The following APBA2 variants were observed in gnomAD, a reference collection of about 807,000 sequenced individuals.
APBA2 encodes amyloid beta precursor protein binding family A member 2.
In APBA2, 30 loss-of-function variants were observed where a neutral mutation model predicts 75.0. The ratio of observed to expected loss-of-function variants is 0.40; its 90% CI spans 0.30 to 0.54. The LOEUF (loss-of-function observed/expected upper bound fraction) is 0.54, where lower values mean the gene tolerates loss of function less well. Ranked by LOEUF, APBA2 falls within the 20% of genes least tolerant of loss-of-function variation. The pLI is 0.49. For missense variants in APBA2, 801 were observed against 1,016.1 expected (o/e 0.79, Z 2.88); for synonymous variants, 444 against 409.6 (o/e 1.08, Z -1.01).
intron 2 of APBA2, among the ~76,000 whole-genome samples, chr15:28,955,844 T>A (rs985712423): frequency 6.6e-6 from 1 of 152,112 alleles, no homozygotes; most frequent in Non-Finnish European, 1.5e-5. Flanking sequence ...TTGCACTGGG[T>A]GTGTTGGGGC....
chr15:29,089,564 C>G (rs912698151), intron 6 of APBA2, among the ~76,000 whole-genome samples: 1 of 152,188 alleles, frequency 6.6e-6, no homozygotes, highest in African/African-American at 2.4e-5. Flanking sequence ...CCTTAGAAGC[C>G]TCTGTCCACC....
intron 6 of APBA2, among the ~76,000 whole-genome samples, chr15:29,077,283 G>T (rs1173722274): frequency 6.6e-6 from 1 of 152,178 alleles, no homozygotes; most frequent in Non-Finnish European, 1.5e-5. Flanking sequence ...GTTTATAGGA[G>T]CTGGCACCTC....
rs71777554 is a variant in APBA2 at position 29,100,135 on chromosome 15, TGAG to T, written c.1339-1453_1339-1451del. On this transcript the variant is annotated intron_variant, in intron 9 of 14. Transcript: ENST00000683413. Reference sequence around the variant, plus strand: ...CGGCCATGTTGGTAGGCAGCCTCTGTGAGGAGGAGGAGGGATCTGCCATTGATA... The same window carrying T: ...CGGCCATGTTGGTAGGCAGCCTCTGTGAGGAGGAGGGATCTGCCATTGATA... 4.0e-3 allele frequency among the ~76,000 whole-genome samples: 613 copies of T among 152,172 alleles called. 5 individuals carry two copies. The highest frequency in any genetic ancestry group is 0.014 in the African/African-American group (590 of 41,510).
chr15:28,897,700 T>C (rs2032591732), intron 1 of APBA2, among the ~76,000 whole-genome samples: 2 of 151,998 alleles, frequency 1.3e-5, no homozygotes, highest in Admixed American at 1.3e-4. Context: ...CCTCTGATTG[T>C]TGGTCAGAGT....
At chr15:28,989,712 G>T (rs1312040060) in intron 2 of APBA2, among the ~76,000 whole-genome samples, 2 of 152,156 alleles carry the variant, frequency 1.3e-5, no homozygotes, top group African/African-American at 4.8e-5. Context: ...GAACAATGAC[G>T]AGGAGGCAAG....
At chr15:28,917,689 A>AT (rs1049119796) in intron 1 of APBA2, among the ~76,000 whole-genome samples, 1 of 152,140 alleles carries the variant, frequency 6.6e-6, no homozygotes, top group African/African-American at 2.4e-5. Context: ...GTTAAAACAT[A>AT]TTGGGGTTCA....
chr15:28,935,671 C>T (rs2034822505), intron 2 of APBA2, among the ~76,000 whole-genome samples: 1 of 152,190 alleles, frequency 6.6e-6, no homozygotes, highest in Admixed American at 6.5e-5. Flanking sequence ...CAGCCTCTCT[C>T]CAGACACTAC....
Position 29,024,571 on chromosome 15 carries a change from G to A in APBA2, c.-41+28765G>A, listed in dbSNP as rs2040121623. On this transcript the variant is annotated intron_variant, in intron 3 of 14. Coordinates refer to ENST00000683413, the MANE Select transcript of APBA2 (RefSeq NM_001353788.2). ...TCCTGCATCAAATCCCATCTTCAGC[G>A]TTCGTCTGATTGCTTTCTGGGCTAG... Among the ~76,000 whole-genome samples the A allele has an allele frequency of 5.3e-5, 8 of 152,168 alleles. No homozygotes were observed. The South Asian group carries it at 1.2e-3, about 24-fold the overall frequency.
chr15:29,103,822 C>G (rs2044256681), intron 10 of APBA2, among the ~76,000 whole-genome samples: 1 of 152,168 alleles, frequency 6.6e-6, no homozygotes, highest in Non-Finnish European at 1.5e-5. Context: ...GGGCCGCCCT[C>G]CGCTCTTCCC....
intron 1 of APBA2, among the ~76,000 whole-genome samples, chr15:28,894,273 A>G (rs1320705560): frequency 6.6e-6 from 1 of 151,948 alleles, no homozygotes; most frequent in African/African-American, 2.4e-5. Flanking sequence ...CCATCTACTC[A>G]GTAGGTATTT....
chr15:29,091,907 G>A (rs1459396011), intron 6 of APBA2, among the ~76,000 whole-genome samples: 1 of 152,220 alleles, frequency 6.6e-6, no homozygotes, highest in East Asian at 1.9e-4. Flanking sequence ...AGCTGGAGCA[G>A]GAGGGGAGCC....
intron 2 of APBA2, among the ~76,000 whole-genome samples, chr15:28,960,120 G>A (rs1430810081): frequency 7.1e-6 from 1 of 141,792 alleles, no homozygotes; most frequent in Non-Finnish European, 1.5e-5. Context: ...ACTTCAGTCA[G>A]CCCAGGTGAC....
chr15:29,092,721 C>T (rs1382480370), intron 6 of APBA2, among the ~76,000 whole-genome samples: 1 of 152,136 alleles, frequency 6.6e-6, no homozygotes, highest in Non-Finnish European at 1.5e-5. Flanking sequence ...AGTTCCGGGG[C>T]TGTGGGGAAG....
chr15:28,980,313 G>A (rs1229494318), intron 2 of APBA2, among the ~76,000 whole-genome samples: 2 of 152,166 alleles, frequency 1.3e-5, no homozygotes, highest in African/African-American at 2.4e-5. Flanking sequence ...CTGATGTTAT[G>A]ATTCTATACA....
intron 14 of APBA2, among the ~76,000 whole-genome samples, chr15:29,115,367 T>G (rs538649430): frequency 1.3e-5 from 2 of 152,036 alleles, no homozygotes; most frequent in African/African-American, 4.8e-5. Context: ...CTGGGAGGCC[T>G]GTTTTCCCTG....
intron 3 of APBA2, among the ~76,000 whole-genome samples, chr15:29,000,662 C>T (rs1341797362): frequency 2.0e-5 from 3 of 152,230 alleles, no homozygotes; most frequent in Admixed American, 6.5e-5. Flanking sequence ...CTGATCATGG[C>T]GCACTGCAAC....
chr15:29,012,721 C>T (rs999229130), intron 3 of APBA2, among the ~76,000 whole-genome samples: 1 of 152,168 alleles, frequency 6.6e-6, no homozygotes. Context: ...AGTGGACTCA[C>T]CCCTCTGTGT....
rs757998938 is a variant in APBA2 at position 29,054,057 on chromosome 15, C to A, written c.173C>A (p.Pro58Gln). 6.2e-7 allele frequency: 1 copy of A among 1,613,846 alleles called. No homozygotes were observed. Among genetic ancestry groups the A allele is most frequent in the African/African-American group, 1.3e-5 (1 of 74,942 alleles). The part of the protein sequence containing the change: ...LAALRPESPA[P>Q]EEQECHNHSP... ...GCCCTGCGGCCAGAGAGCCCCGCGC[C>A]AGAGGAACAGGAGTGCCACAACCAC... Residue 58 changes from proline to glutamine, a missense_variant, in exon 4 of 15, where the codon CCA (proline) becomes CAA (glutamine). Pro to Gln is a moderately conservative substitution (Grantham distance 76). Coordinates refer to ENST00000683413, the MANE Select transcript of APBA2 (RefSeq NM_001353788.2). This position sits in a 1 kb window ranked among gnomAD's most constrained non-coding sequence, Gnocchi z 6.1.
intron 2 of APBA2, among the ~76,000 whole-genome samples, chr15:28,957,682 G>A (rs1299029721): frequency 1.3e-5 from 2 of 152,192 alleles, no homozygotes; most frequent in Admixed American, 6.5e-5. Flanking sequence ...TGGGAGCACT[G>A]TGGCCTGGTG....
Sources: allele counts gnomAD v4.1 joint callset (sites outside exome capture counted in the v4.1 genomes callset), GRCh38; gene constraint gnomAD v4.1.1; non-coding constraint Gnocchi (gnomAD v3.1); transcripts MANE v1.5; gene names NCBI Gene and HGNC (gene_info 2026-07-23, HGNC 2026-07-21).